The following PCSK2 variants were observed in gnomAD, a reference collection of about 807,000 sequenced individuals.
PCSK2 encodes proprotein convertase subtilisin/kexin type 2, also known as neuroendocrine convertase 2.
PCSK2 carries 14 observed loss-of-function variants against 69.7 expected under a neutral mutation model. The observed-to-expected ratio is 0.20, with a 90% CI of 0.13 to 0.31. The LOEUF (loss-of-function observed/expected upper bound fraction) is 0.31. PCSK2 is among the 10% of genes least tolerant of loss of function. PCSK2 has a pLI of 1.00. For missense variants in PCSK2, 544 were observed against 842.5 expected, an observed-to-expected ratio of 0.65 and a Z score of 4.39; for synonymous variants, 307 against 320.7, an observed-to-expected ratio of 0.96 and a Z score of 0.46.
At chr20:17,317,352 T>C (rs1989720009) in intron 2 of PCSK2, among the ~76,000 whole-genome samples, 1 of 152,260 alleles carries the variant, frequency 6.6e-6, no homozygotes, top group Non-Finnish European at 1.5e-5. Context: ...TTCACAAAGA[T>C]ATTCATAGTC....
chr20:17,335,459 G>A (rs551360876), intron 2 of PCSK2, among the ~76,000 whole-genome samples: 4 of 151,630 alleles, frequency 2.6e-5, no homozygotes. Flanking sequence ...GTGTGTGTGT[G>A]TGTTCCTTGT....
At chr20:17,326,723 C>T (rs752160181) in intron 2 of PCSK2, among the ~76,000 whole-genome samples, 39 of 152,192 alleles carry the variant, frequency 2.6e-4, no homozygotes, top group Non-Finnish European at 5.3e-4. Context: ...AAGTTCTTAA[C>T]CTTATTACAG....
At chr20:17,431,779 A>G (rs1165431295) in intron 7 of PCSK2, among the ~76,000 whole-genome samples, 2 of 152,250 alleles carry the variant, frequency 1.3e-5, no homozygotes, top group Non-Finnish European at 2.9e-5. Flanking sequence ...CAAAAACAGC[A>G]GAGTTTATCT....
chr20:17,348,021 GAGAA>G (rs1419567131), intron 2 of PCSK2, among the ~76,000 whole-genome samples: 10 of 89,584 alleles, frequency 1.1e-4, no homozygotes, highest in South Asian at 3.6e-4. Context: ...AGAGAGAAAA[GAGAA>G]AGAAAGAAGA....
At chr20:17,432,802 T>G (rs932673970) in intron 7 of PCSK2, among the ~76,000 whole-genome samples, 4 of 152,232 alleles carry the variant, frequency 2.6e-5, no homozygotes, top group African/African-American at 4.8e-5. Flanking sequence ...GCCTTTTGTG[T>G]GGTCCATAGT....
intron 6 of PCSK2, among the ~76,000 whole-genome samples, chr20:17,424,773 G>A (rs1050936104): frequency 6.6e-6 from 1 of 151,454 alleles, no homozygotes; most frequent in Non-Finnish European, 1.5e-5. Flanking sequence ...TTACAGGCGT[G>A]AGCCACAGCG....
intron 6 of PCSK2, among the ~76,000 whole-genome samples, chr20:17,419,094 C>T (rs6105753): frequency 6.6e-6 from 1 of 152,212 alleles, no homozygotes; most frequent in Non-Finnish European, 1.5e-5. Context: ...CACATCTCTC[C>T]TAGGTTTTCC....
intron 8 of PCSK2, among the ~76,000 whole-genome samples, 166 bp downstream of exon 8, chr20:17,437,049 G>C (rs745867461): frequency 6.6e-6 from 1 of 152,198 alleles, no homozygotes; most frequent in Admixed American, 6.5e-5. Context: ...ACTGCAGGGA[G>C]GCCTGTGATG....
At chr20:17,402,809 T>C (rs1003053656) in intron 5 of PCSK2, among the ~76,000 whole-genome samples, 15 of 151,370 alleles carry the variant, frequency 9.9e-5, no homozygotes, top group Admixed American at 8.5e-4. Context: ...AAAACAAAAT[T>C]AGCCAGGCGT....
chr20:17,479,284 A>G (rs918066037), intron 11 of PCSK2: 1 of 947,888 alleles, frequency 1.1e-6, no homozygotes, highest in African/African-American at 1.6e-5. Flanking sequence ...GTTAACGATA[A>G]TTCCACTATG....
At chr20:17,447,130 G>T (rs565926573) in intron 8 of PCSK2, among the ~76,000 whole-genome samples, 18 of 151,862 alleles carry the variant, frequency 1.2e-4, no homozygotes, top group African/African-American at 4.4e-4. Flanking sequence ...AATTGGCTGG[G>T]CACAGTGCTA....
chr20:17,264,561 T>C (rs944536824), intron 2 of PCSK2, among the ~76,000 whole-genome samples: 1 of 152,210 alleles, frequency 6.6e-6, no homozygotes, highest in Non-Finnish European at 1.5e-5. Context: ...TTTTGGTCTT[T>C]AAGGGTCTAT....
At chr20:17,420,398 C>A (rs936152795) in intron 6 of PCSK2, among the ~76,000 whole-genome samples, 1 of 152,212 alleles carries the variant, frequency 6.6e-6, no homozygotes, top group Admixed American at 6.5e-5. Context: ...AAGACTACCT[C>A]ATCAGTCGAT....
At chr20:17,245,773 C>CA (rs562139590) in intron 1 of PCSK2, among the ~76,000 whole-genome samples, 11 of 152,158 alleles carry the variant, frequency 7.2e-5, no homozygotes, top group Non-Finnish European at 1.2e-4. Context: ...CTAACAAGTG[C>CA]AATGTGCATC....
At chr20:17,478,274 A>G (rs2033326944) in intron 11 of PCSK2, among the ~76,000 whole-genome samples, 12 of 152,206 alleles carry the variant, frequency 7.9e-5, no homozygotes, top group Admixed American at 7.9e-4. Context: ...CAACTGAACA[A>G]TTGCTAAAAG....
chr20:17,261,094 C>A (rs1262943862), intron 2 of PCSK2, among the ~76,000 whole-genome samples: 1 of 152,092 alleles, frequency 6.6e-6, no homozygotes, highest in African/African-American at 2.4e-5. Flanking sequence ...CAGAATAGGA[C>A]CTTTAGTAAT....
intron 2 of PCSK2, among the ~76,000 whole-genome samples, chr20:17,307,804 A>T (rs1345448942): frequency 6.6e-6 from 1 of 152,186 alleles, no homozygotes; most frequent in Non-Finnish European, 1.5e-5. Flanking sequence ...TAAAGCATGG[A>T]ATATTAGTCT....
chr20:17,385,885 C>G (rs911811976), intron 5 of PCSK2, among the ~76,000 whole-genome samples: 5 of 152,186 alleles, frequency 3.3e-5, no homozygotes, highest in African/African-American at 1.2e-4. Context: ...CACACCAACT[C>G]TTATCCATCA....
At chr20:17,391,971 AGGAAG>A (rs1057014182) in intron 5 of PCSK2, among the ~76,000 whole-genome samples, 3 of 142,196 alleles carry the variant, frequency 2.1e-5, no homozygotes, top group African/African-American at 2.6e-5. Context: ...AAGGAAAGGA[AGGAAG>A]GGAAGGGAAG....
Sources: allele counts gnomAD v4.1 joint callset (sites outside exome capture counted in the v4.1 genomes callset), GRCh38; gene constraint gnomAD v4.1.1; transcripts MANE v1.5; gene names NCBI Gene and HGNC (gene_info 2026-07-23, HGNC 2026-07-21).